The following MTMR8 variants were observed in gnomAD, a reference collection of about 807,000 sequenced individuals.
The protein encoded by MTMR8 is myotubularin related protein 8.
Under a neutral mutation model 39.3 loss-of-function variants are expected in MTMR8, and 65 were observed. That is an observed-to-expected ratio of 1.65 (90% CI 1.35 to 2.03). MTMR8 has a LOEUF of 2.03. Ranked by LOEUF, MTMR8 falls within the 30% of genes most tolerant of loss-of-function variation. The pLI is 0.00. For synonymous variants in MTMR8, 245 were observed against 185.2 expected (o/e 1.32, Z -2.62); for missense variants, 777 against 538.9 (o/e 1.44, Z -4.37).
At chrX:64,317,966 T>C (rs1170954605) in intron 12 of MTMR8, among the ~76,000 whole-genome samples, 1 of 112,368 alleles carries the variant, frequency 8.9e-6, no homozygotes, top group East Asian at 2.8e-4. Context: ...CCTAGCTGCA[T>C]TGGATAAAAG....
intron 13 of MTMR8, among the ~76,000 whole-genome samples, chrX:64,270,264 A>G (rs1309139481): frequency 3.6e-5 from 4 of 112,179 alleles, no homozygotes; most frequent in Non-Finnish European, 7.5e-5. Context: ...CAATAAAATG[A>G]CATTTGTTTA....
At chrX:64,311,358 A>T (rs1268189100) in intron 12 of MTMR8, among the ~76,000 whole-genome samples, 4 of 110,098 alleles carry the variant, frequency 3.6e-5, no homozygotes, top group African/African-American at 1.3e-4. Context: ...TTTTTCTTGT[A>T]AATTTGTTTA....
intron 10 of MTMR8, among the ~76,000 whole-genome samples, chrX:64,334,203 CA>C (rs1391323654): frequency 5.4e-5 from 6 of 110,463 alleles, no homozygotes; most frequent in African/African-American, 2.0e-4. Context: ...TGCCCTATGC[CA>C]AATAAGTCCC....
intron 10 of MTMR8, 116 bp downstream of exon 10, chrX:64,335,963 T>A (rs1923062450): frequency 2.0e-6 from 1 of 502,217 alleles, no homozygotes; most frequent in Non-Finnish European, 3.2e-6. Flanking sequence ...TGAAAAGAGA[T>A]TTATGCCATG....
At chrX:64,269,502 T>C (rs774893812) in intron 13 of MTMR8, among the ~76,000 whole-genome samples, 235 of 111,367 alleles carry the variant, frequency 2.1e-3, no homozygotes, top group Middle Eastern at 9.3e-3. Context: ...AGAACTGAGA[T>C]CTGACCCTGC....
At chrX:64,333,945 G>A (rs189644905) in intron 10 of MTMR8, among the ~76,000 whole-genome samples, 62 of 111,534 alleles carry the variant, frequency 5.6e-4, no homozygotes, top group African/African-American at 2.0e-3. Flanking sequence ...CTCTTTCACA[G>A]TCAACTTCAT....
chrX:64,275,390 A>G (rs1472900111), intron 12 of MTMR8, among the ~76,000 whole-genome samples: 1 of 110,535 alleles, frequency 9.0e-6, no homozygotes, highest in Non-Finnish European at 1.9e-5. Flanking sequence ...TAGTGAATAT[A>G]AAATCAAAGA....
In MTMR8 at chrX:64,268,133, T is replaced by C. The variant is rs1931666231; in HGVS notation, c.*404A>G. The C allele has an allele frequency of 7.3e-6, 1 of 137,401 alleles. No individual in the cohort carries two copies. The highest frequency in any genetic ancestry group is 3.0e-4 in the South Asian group (1 of 3,351). 11.3% of individuals were successfully genotyped at this position (137,401 alleles called of 1,213,427 possible). ...ATTCACAGTTACCTGCTGTATACCA[T>C]CTCTCCATACCCTCAAAAGGGTCAT... On this transcript the variant is annotated 3_prime_UTR_variant, in exon 14 of 14. Coordinates refer to ENST00000374852, the MANE Select transcript of MTMR8 (RefSeq NM_017677.4).
chrX:64,268,575 C>A lies in MTMR8; in HGVS notation c.2077G>T (p.Ala693Ser), dbSNP rs151197516. The change falls in exon 14 of 14, where the codon GCC becomes TCC. Residue 693 changes from alanine to serine, a missense_variant. Transcript: ENST00000374852. Reference sequence around the variant, plus strand: ...GAGTAGTCTGCCTCCTTGGTGCTGGCCTTGGAGATGCCTGTGTCCCCCAAG... The same window carrying A: ...GAGTAGTCTGCCTCCTTGGTGCTGGACTTGGAGATGCCTGTGTCCCCCAAG... The part of the protein sequence containing the change: ...GILGDTGISK[A>S]STKEADYSKH... The A allele has an allele frequency of 1.7e-6, 2 of 1,210,309 alleles. No individual in the cohort carries two copies. Among genetic ancestry groups the A allele is most frequent in the Non-Finnish European group, 2.2e-6 (2 of 894,932 alleles).
chrX:64,344,372 G>T (rs762911585), intron 7 of MTMR8, among the ~76,000 whole-genome samples: 1 of 111,265 alleles, frequency 9.0e-6, no homozygotes, highest in Non-Finnish European at 1.9e-5. Flanking sequence ...GGCAGACTAC[G>T]CAAGTACAAA....
At chrX:64,333,584 T>A (rs1922998003) in intron 10 of MTMR8, among the ~76,000 whole-genome samples, 1 of 111,933 alleles carries the variant, frequency 8.9e-6, no homozygotes, top group Admixed American at 9.5e-5. Flanking sequence ...TTCTTTCTTC[T>A]CAGCATAAGA....
chrX:64,307,933 T>A (rs1263974876), intron 12 of MTMR8, among the ~76,000 whole-genome samples: 11 of 112,266 alleles, frequency 9.8e-5, no homozygotes. Flanking sequence ...CATTTACGTA[T>A]TTATTTGAAT....
intron 7 of MTMR8, 45 bp from the exon 8 acceptor site, chrX:64,343,765 A>C: frequency 3.2e-6 from 3 of 924,207 alleles, no homozygotes; most frequent in Non-Finnish European, 4.6e-6. Flanking sequence ...CAATCAACTC[A>C]GTTTATTCAT....
rs143692674 is a variant in MTMR8, at chrX:64,377,550, G to A, written c.24+17790C>T. 3.1e-3 allele frequency among the ~76,000 whole-genome samples: 345 copies of A among 112,289 alleles called. 3 individuals are homozygous for A. Among genetic ancestry groups the A allele is most frequent in the African/African-American group, 0.011 (334 of 30,911 alleles). On this transcript the variant is annotated intron_variant, in intron 1 of 13. Coordinates refer to ENST00000374852, the MANE Select transcript of MTMR8 (RefSeq NM_017677.4). Reference sequence around the variant, plus strand: ...ACTTGCATGGTGCCTCTTTGTTTTGGCCAATATATCCCCTTTGGAATGGGA... The same window carrying A: ...ACTTGCATGGTGCCTCTTTGTTTTGACCAATATATCCCCTTTGGAATGGGA...
rs377028958 is a variant in MTMR8 at position 64,329,812 on chromosome X, GA to G, written c.1353-913del. 3.4e-3 allele frequency among the ~76,000 whole-genome samples: 353 copies of G among 104,999 alleles called. 1 individual carries two copies. Among genetic ancestry groups the G allele is most frequent in the African/African-American group, 0.011 (322 of 29,196 alleles). The allele number at this position is 104,999 out of a possible 115,157, so 91.2% of individuals were successfully genotyped here. ...TCTCATTTGCTGTTGGTTTATAACA[GA>G]AAAAAAAAAATATTGCGTTGGTAAG... On this transcript the variant is annotated intron_variant, in intron 11 of 13. Coordinates refer to ENST00000374852, the MANE Select transcript of MTMR8 (RefSeq NM_017677.4).
At chrX:64,344,870 C>G (rs925594388) in intron 7 of MTMR8, among the ~76,000 whole-genome samples, 175 bp downstream of exon 7, 9 of 111,683 alleles carry the variant, frequency 8.1e-5, no homozygotes, top group Non-Finnish European at 1.1e-4. Context: ...CAGATCAACA[C>G]TGCTATAATT....
chrX:64,364,053 C>T (rs1325176827), intron 1 of MTMR8, among the ~76,000 whole-genome samples: 2 of 112,546 alleles, frequency 1.8e-5, no homozygotes, highest in South Asian at 3.7e-4. Flanking sequence ...TCCACCATTG[C>T]TGAGGCTTGA....
intron 12 of MTMR8, among the ~76,000 whole-genome samples, chrX:64,291,521 C>A (rs1180171993): frequency 9.0e-6 from 1 of 110,808 alleles, no homozygotes; most frequent in Non-Finnish European, 1.9e-5. Context: ...CTGCTGAACA[C>A]CCCACACACC....
At chrX:64,291,913 G>A (rs1921410269) in intron 12 of MTMR8, among the ~76,000 whole-genome samples, 1 of 111,470 alleles carries the variant, frequency 9.0e-6, no homozygotes, top group Non-Finnish European at 1.9e-5. Context: ...GCCCAGGGAA[G>A]GTCAGCCTGA....
Sources: allele counts gnomAD v4.1 joint callset (sites outside exome capture counted in the v4.1 genomes callset), GRCh38; gene constraint gnomAD v4.1.1; transcripts MANE v1.5; gene names NCBI Gene and HGNC (gene_info 2026-07-23, HGNC 2026-07-21).